SLC39A12: variants seen among roughly 807,000 people sequenced by gnomAD.
The protein encoded by SLC39A12 is solute carrier family 39 member 12, also known as zinc transporter ZIP12.
Under a neutral mutation model 71.1 loss-of-function variants are expected in SLC39A12, and 63 were observed. The ratio of observed to expected loss-of-function variants is 0.89; its 90% CI spans 0.72 to 1.09. The LOEUF is 1.09. Ranked by LOEUF, SLC39A12 falls within the 50% of genes least tolerant of loss-of-function variation. SLC39A12 has a pLI of 0.00. For synonymous variants in SLC39A12, 351 were observed against 301.3 expected, an observed-to-expected ratio of 1.16 and a Z score of -1.71; for missense variants, 892 against 812.6, an observed-to-expected ratio of 1.10 and a Z score of -1.19.
rs931382608 is a variant in SLC39A12 at position 17,957,494 on chromosome 10, C to T, written c.261+3957C>T. Among the ~76,000 whole-genome samples the T allele has an allele frequency of 2.0e-5, 3 of 151,810 alleles. No homozygotes were observed. The East Asian group carries it at 5.8e-4, about 29-fold the overall frequency. On this transcript the variant is annotated intron_variant, in intron 2 of 12. Coordinates refer to ENST00000377369, the MANE Select transcript of SLC39A12 (RefSeq NM_001145195.2). ...CACCTGACAAGATTAAAAGGAAAATCAATGGATTATTCCTGAATGAGTCCA... is the reference window on the plus strand; with the variant it reads ...CACCTGACAAGATTAAAAGGAAAATTAATGGATTATTCCTGAATGAGTCCA...
intron 12 of SLC39A12, 83 bp from the exon 13 acceptor site, chr10:18,042,622 C>T: frequency 7.3e-7 from 1 of 1,378,734 alleles, no homozygotes; most frequent in Non-Finnish European, 9.8e-7. Context: ...TTCTGAATAA[C>T]AGTCGCTCAT....
At position 17,981,448 on chromosome 10, in the gene SLC39A12, A is replaced by C; in HGVS notation, c.1061A>C (p.Asp354Ala). 1 of 1,613,686 alleles carries C rather than the reference A, an allele frequency of 6.2e-7. No homozygotes were observed. Among genetic ancestry groups the C allele is most frequent in the Non-Finnish European group, 8.5e-7 (1 of 1,179,784 alleles). The change falls in exon 6 of 13, where the codon GAC (aspartate) becomes GCC (alanine). Residue 354 changes from aspartate (D) to alanine (A), a missense_variant. Physicochemically the swap from Asp to Ala is moderately radical, Grantham distance 126 (BLOSUM62 -2). Transcript: ENST00000377369. ...AGCTGCTCCTGCCACTTACCCAAGG[A>C]CCAACAAGCAAAGCTGCCACCTACC... Reference protein sequence around the residue: ...LLSCSCHLPKDQQAKLPPTTL... With the variant: ...LLSCSCHLPKAQQAKLPPTTL...
intron 3 of SLC39A12, among the ~76,000 whole-genome samples, chr10:17,962,414 G>A (rs1834714739): frequency 6.6e-6 from 1 of 152,136 alleles, no homozygotes; most frequent in South Asian, 2.1e-4. Flanking sequence ...CTCTCTCCCA[G>A]CTCCCACCTG....
At chr10:17,989,693 C>T (rs565401871) in intron 7 of SLC39A12, among the ~76,000 whole-genome samples, 12 of 151,968 alleles carry the variant, frequency 7.9e-5, no homozygotes, top group South Asian at 2.1e-4. Flanking sequence ...GCAAGACAGG[C>T]GGATCACCTG....
intron 12 of SLC39A12, among the ~76,000 whole-genome samples, chr10:18,027,419 G>A (rs1836709204): frequency 6.6e-6 from 1 of 152,204 alleles, no homozygotes; most frequent in African/African-American, 2.4e-5. Context: ...ATTTCAAAAT[G>A]ATTATTTTCC....
chr10:17,972,526 T>C lies in SLC39A12; in HGVS notation c.752-5376T>C, dbSNP rs369267805. Among the ~76,000 whole-genome samples the C allele has an allele frequency of 1.7e-4, 26 of 152,284 alleles. 1 individual carries two copies. Among genetic ancestry groups the C allele is most frequent in the African/African-American group, 6.0e-4 (25 of 41,570 alleles). ...TGTATCTGGGTGCTCCAGTGTTGAGTGCATATATATTTAAAATTATTAAGT... is the reference window on the plus strand; with the variant it reads ...TGTATCTGGGTGCTCCAGTGTTGAGCGCATATATATTTAAAATTATTAAGT... On this transcript the variant is annotated intron_variant, in intron 4 of 12. Transcript: ENST00000377369.
chr10:17,965,391 T>A (rs1403025991), intron 3 of SLC39A12, 92 bp from the exon 4 acceptor site: 1 of 1,123,966 alleles, frequency 8.9e-7, no homozygotes, highest in Non-Finnish European at 1.3e-6. Flanking sequence ...GAAAAACAAT[T>A]CCTTATCCCT....
intron 12 of SLC39A12, among the ~76,000 whole-genome samples, chr10:18,018,961 T>A (rs567808077): frequency 6.6e-6 from 1 of 152,274 alleles, no homozygotes; most frequent in East Asian, 1.9e-4. Context: ...TTTTAGAGAA[T>A]TGGTAAAATT....
chr10:17,977,997 AC>A lies in SLC39A12; in HGVS notation c.850del (p.His284MetfsTer53). On this transcript the variant is annotated frameshift_variant, in exon 5 of 13. Coordinates refer to ENST00000377369, the MANE Select transcript of SLC39A12 (RefSeq NM_001145195.2). LOFTEE classifies it high-confidence loss of function. ...TCAAAGGAAACAAAACAACATAATA[AC>A]CCATGATCAGGACTATTCTAATTTC... Reference protein sequence around the residue: ...QFQRKQNNIITHDQDYSNFSS... With the variant: ...QFQRKQNNIIXHDQDYSNFSS... 1.2e-6 allele frequency: 2 copies of A among 1,611,078 alleles called. No individual in the cohort carries two copies. Among genetic ancestry groups the A allele is most frequent in the Non-Finnish European group, 1.7e-6 (2 of 1,178,768 alleles).
chr10:18,001,880 G>A (rs1311113925), intron 11 of SLC39A12: 1 of 149,796 alleles, frequency 6.7e-6, no homozygotes, highest in Non-Finnish European at 1.5e-5. Flanking sequence ...TATGATGACT[G>A]TAGTCGTCCT....
intron 12 of SLC39A12, among the ~76,000 whole-genome samples, chr10:18,029,712 A>T (rs1244844877): frequency 6.6e-6 from 1 of 152,140 alleles, no homozygotes; most frequent in Non-Finnish European, 1.5e-5. Flanking sequence ...AACAGGACTT[A>T]ACTGCCCTGG....
At chr10:18,036,784 A>ATTTTTTTTTTTTT (rs1277319900) in intron 12 of SLC39A12, among the ~76,000 whole-genome samples, 1 of 7,686 alleles carries the variant, frequency 1.3e-4, no homozygotes, top group Non-Finnish European at 3.0e-4. Context: ...ATATATATAT[A>ATTTTTTTTTTTTT]TATATATATA....
chr10:18,022,475 A>G (rs1421608372), intron 12 of SLC39A12, among the ~76,000 whole-genome samples: 4 of 152,078 alleles, frequency 2.6e-5, no homozygotes, highest in African/African-American at 4.8e-5. Context: ...TTTCAGTTCT[A>G]TCAGCTCACT....
At chr10:18,014,830 C>T (rs1391914649) in intron 12 of SLC39A12, among the ~76,000 whole-genome samples, 1 of 152,130 alleles carries the variant, frequency 6.6e-6, no homozygotes, top group Non-Finnish European at 1.5e-5. Context: ...AGGACTAACA[C>T]AGGTTTACAA....
chr10:17,954,486 C>T (rs1396944245), intron 2 of SLC39A12, among the ~76,000 whole-genome samples: 1 of 152,096 alleles, frequency 6.6e-6, no homozygotes, highest in Non-Finnish European at 1.5e-5. Flanking sequence ...AAACTCCTGA[C>T]CTCGTGATCT....
chr10:18,041,699 A>ATACATATG (rs1837243687), intron 12 of SLC39A12, among the ~76,000 whole-genome samples: 1 of 103,232 alleles, frequency 9.7e-6, no homozygotes. Context: ...ATATATGTGT[A>ATACATATG]TATATATGTA....
chr10:17,955,207 A>G (rs570126932), intron 2 of SLC39A12, among the ~76,000 whole-genome samples: 5 of 152,256 alleles, frequency 3.3e-5, no homozygotes, highest in East Asian at 1.9e-4. Flanking sequence ...GGCTGGGGGA[A>G]GGATTGTTTA....
intron 4 of SLC39A12, among the ~76,000 whole-genome samples, chr10:17,971,969 G>A (rs1834986256): frequency 6.6e-6 from 1 of 152,166 alleles, no homozygotes; most frequent in African/African-American, 2.4e-5. Context: ...GGCACTTATA[G>A]CTATAAACTT....
At chr10:18,017,658 T>G (rs1836423795) in intron 12 of SLC39A12, among the ~76,000 whole-genome samples, 1 of 152,214 alleles carries the variant, frequency 6.6e-6, no homozygotes, top group Admixed American at 6.5e-5. Context: ...TTGCTCCATT[T>G]TATTGTGTTT....
Sources: allele counts gnomAD v4.1 joint callset (sites outside exome capture counted in the v4.1 genomes callset), GRCh38; gene constraint gnomAD v4.1.1; transcripts MANE v1.5; gene names NCBI Gene and HGNC (gene_info 2026-07-23, HGNC 2026-07-21).